The following NSUN3 variants were observed in gnomAD, a reference collection of about 807,000 sequenced individuals.
NSUN3 encodes NOP2/Sun RNA methyltransferase 3.
A neutral mutation model predicts 36.8 loss-of-function variants in NSUN3; 24 were observed. That is an observed-to-expected ratio of 0.65 (90% CI 0.47 to 0.92). The LOEUF (loss-of-function observed/expected upper bound fraction) is 0.92. Ranked by LOEUF, NSUN3 falls within the 40% of genes least tolerant of loss-of-function variation. NSUN3 has a pLI of 0.00. For missense variants in NSUN3, 381 were observed against 392.8 expected (o/e 0.97, Z 0.25); for synonymous variants, 146 against 145.2 (o/e 1.01, Z -0.04).
At chr3:94,124,148 CTTTTTTTTTTTTT>C (rs58987431) in intron 5 of NSUN3, among the ~76,000 whole-genome samples, 3 of 88,186 alleles carry the variant, frequency 3.4e-5, no homozygotes, top group Admixed American at 2.9e-4. Context: ...TATTTTATTT[CTTTTTTTTTTTTT>C]TTTTTTTTTG....
chr3:94,081,990 A>G (rs2107245163), intron 2 of NSUN3: 1 of 152,330 alleles, frequency 6.6e-6, no homozygotes, highest in Middle Eastern at 3.4e-3. Flanking sequence ...AAAAAGAAGA[A>G]CGAATAGAGA....
chr3:94,114,756 C>G (rs900249242), intron 5 of NSUN3, among the ~76,000 whole-genome samples: 1 of 152,168 alleles, frequency 6.6e-6, no homozygotes. Flanking sequence ...CACCCTTACC[C>G]CCCTTCTGCC....
chr3:94,084,157 GA>G lies in NSUN3; in HGVS notation c.174del (p.Phe59SerfsTer13). The G allele has an allele frequency of 6.2e-7, 1 of 1,614,002 alleles. No individual in the cohort carries two copies. Among genetic ancestry groups the G allele is most frequent in the Non-Finnish European group, 8.5e-7 (1 of 1,179,998 alleles). ...TGGCAATATGCTGTCCTGCTTAACC[GA>G]TTCAATTATCCTTTTGAACTGGAAA... ...SCWQYAVLLN[R>X]FNYPFELEKD... On this transcript the variant is annotated frameshift_variant, in exon 3 of 6. Transcript: ENST00000314622. LOFTEE classifies it high-confidence loss of function.
At chr3:94,087,021 A>G (rs1378928035) in intron 3 of NSUN3, among the ~76,000 whole-genome samples, 1 of 152,204 alleles carries the variant, frequency 6.6e-6, no homozygotes, top group Admixed American at 6.5e-5. Context: ...TATAGTAGCA[A>G]AGTTGATTTG....
At chr3:94,103,996 T>G (rs1300505107) in intron 5 of NSUN3, among the ~76,000 whole-genome samples, 1 of 152,202 alleles carries the variant, frequency 6.6e-6, no homozygotes, top group African/African-American at 2.4e-5. Context: ...GTAAATAGAC[T>G]AATGAGTTTT....
At chr3:94,095,681 G>C (rs1576091561) in intron 5 of NSUN3, among the ~76,000 whole-genome samples, 1 of 152,072 alleles carries the variant, frequency 6.6e-6, no homozygotes, top group Admixed American at 6.6e-5. Context: ...TTCCAACAGC[G>C]ATTTTGACAT....
rs553705359 is a variant in NSUN3, at chr3:94,096,593, G to C, written c.743+1439G>C. 3.9e-5 allele frequency among the ~76,000 whole-genome samples: 6 copies of C among 152,174 alleles called. No homozygotes were observed. In the East Asian group the frequency reaches 1.2e-3, roughly 29 times the overall value. On this transcript the variant is annotated intron_variant, in intron 5 of 5. Coordinates refer to ENST00000314622, the MANE Select transcript of NSUN3 (RefSeq NM_022072.5). Reference sequence around the variant, plus strand: ...CGCTCACTCCAACATCTACCTCCTGGGTTCAAGCGATTCTCATGCCTCAGC... The same window carrying C: ...CGCTCACTCCAACATCTACCTCCTGCGTTCAAGCGATTCTCATGCCTCAGC...
intron 5 of NSUN3, among the ~76,000 whole-genome samples, chr3:94,097,452 CT>C (rs967053756): frequency 2.0e-5 from 3 of 151,772 alleles, no homozygotes; most frequent in African/African-American, 7.3e-5. Context: ...TCAAGAGGAT[CT>C]ATTGTATTCC....
At chr3:94,109,651 G>A (rs892680551) in intron 5 of NSUN3, among the ~76,000 whole-genome samples, 1 of 152,144 alleles carries the variant, frequency 6.6e-6, no homozygotes, top group Non-Finnish European at 1.5e-5. Flanking sequence ...AAAAGTTGGT[G>A]GATTCCACCA....
chr3:94,065,037 T>G (rs539929093), intron 2 of NSUN3, among the ~76,000 whole-genome samples: 4 of 142,528 alleles, frequency 2.8e-5, no homozygotes, highest in Non-Finnish European at 5.9e-5. Context: ...ATTATTTAAA[T>G]ATAAAAATAA....
Position 94,126,389 on chromosome 3 carries a change from G to A in NSUN3, c.922G>A (p.Gly308Ser). The A allele has an allele frequency of 6.2e-7, 1 of 1,614,110 alleles. No individual in the cohort carries two copies. The highest frequency in any genetic ancestry group is 8.5e-7 in the Non-Finnish European group (1 of 1,179,998). The change falls in exon 6 of 6, where the codon GGC (glycine) becomes AGC (serine). Residue 308 changes from glycine to serine, a missense_variant. Transcript: ENST00000314622. ...CCACGACTTCACATTTGCTCCCACTGGCCAGGAATGTGGGCTCTTAGTGAT... is the reference window on the plus strand; with the variant it reads ...CCACGACTTCACATTTGCTCCCACTAGCCAGGAATGTGGGCTCTTAGTGAT... ...CSHDFTFAPT[G>S]QECGLLVIPD...
At chr3:94,081,861 A>G (rs933818568) in intron 2 of NSUN3, 3 of 152,218 alleles carry the variant, frequency 2.0e-5, no homozygotes, top group Non-Finnish European at 4.4e-5. Context: ...AGGCAAGGTT[A>G]CTATATCTCT....
intron 5 of NSUN3, among the ~76,000 whole-genome samples, chr3:94,108,747 C>T (rs1029644712): frequency 5.3e-5 from 8 of 152,118 alleles, no homozygotes; most frequent in Admixed American, 2.0e-4. Flanking sequence ...CTCACTAAGG[C>T]GGAGGCCTCC....
chr3:94,073,422 G>A (rs2077233530), intron 2 of NSUN3, among the ~76,000 whole-genome samples: 1 of 152,196 alleles, frequency 6.6e-6, no homozygotes, highest in Non-Finnish European at 1.5e-5. Context: ...CCCACCAACA[G>A]TGTAAAAGTG....
At chr3:94,115,203 A>T (rs2077434717) in intron 5 of NSUN3, among the ~76,000 whole-genome samples, 1 of 152,186 alleles carries the variant, frequency 6.6e-6, no homozygotes, top group Admixed American at 6.5e-5. Context: ...GGCTTTCTGA[A>T]ATATTAATTG....
intron 5 of NSUN3, among the ~76,000 whole-genome samples, chr3:94,105,344 A>G (rs2077384522): frequency 1.3e-5 from 2 of 152,146 alleles, no homozygotes; most frequent in Non-Finnish European, 2.9e-5. Flanking sequence ...TTCTGTCAGC[A>G]AGATTTTCCT....
rs962000160 is a variant in NSUN3 at position 94,129,770 on chromosome 3, GAC to G, written c.*3282_*3283del. 3.2e-5 allele frequency among the ~76,000 whole-genome samples: 3 copies of G among 92,576 alleles called. No individual in the cohort carries two copies. Among genetic ancestry groups the G allele is most frequent in the African/African-American group, 8.8e-5 (2 of 22,818 alleles). The allele number at this position is 92,576 out of a possible 152,430, so 60.7% of individuals were successfully genotyped here. On this transcript the variant is annotated 3_prime_UTR_variant, in exon 6 of 6. Transcript: ENST00000314622. The stretch of plus-strand genomic sequence containing the variant: ...TTTTTTTTTTTTTTTTTTTTTTTGA[GAC>G]AGAGTCTTGCTCTGTCGCCCAGGCT...
chr3:94,105,627 A>G (rs2077385741), intron 5 of NSUN3, among the ~76,000 whole-genome samples: 1 of 152,206 alleles, frequency 6.6e-6, no homozygotes, highest in South Asian at 2.1e-4. Context: ...AGGAATAGAT[A>G]GGGATGAACC....
At chr3:94,065,739 G>T (rs2077202009) in intron 2 of NSUN3, among the ~76,000 whole-genome samples, 2 of 152,150 alleles carry the variant, frequency 1.3e-5, no homozygotes, top group African/African-American at 4.8e-5. Context: ...TTCAAAAGTA[G>T]ATTTTCAAAT....
Sources: gnomAD v4.1 joint callset for allele counts (sites outside exome capture counted in the v4.1 genomes callset) on GRCh38, gnomAD v4.1.1 for gene constraint, MANE v1.5 for transcripts, NCBI Gene and HGNC (gene_info 2026-07-23, HGNC 2026-07-21) for gene names.